The following THSD4 variants were observed in gnomAD, a reference collection of about 807,000 sequenced individuals.
THSD4 encodes thrombospondin type-1 domain-containing protein 4.
In THSD4, 69 loss-of-function variants were observed where a neutral mutation model predicts 119.0. That is an observed-to-expected ratio of 0.58 (90% CI 0.48 to 0.71). The LOEUF (loss-of-function observed/expected upper bound fraction) is 0.71. Among genes scored for constraint, THSD4 ranks in the 30% least tolerant of loss-of-function variants. THSD4 has a pLI of 0.00. For synonymous variants in THSD4, 524 were observed against 540.4 expected (o/e 0.97, Z 0.42); for missense variants, 1,393 against 1,391.1 (o/e 1.00, Z -0.02).
At chr15:71,355,523 G>A (rs11634024) in intron 6 of THSD4, among the ~76,000 whole-genome samples, 32,275 of 152,174 alleles carry the variant, frequency 0.21, 3,889 homozygotes, top group East Asian at 0.53. Context: ...TTCATGACAA[G>A]TGTGGACCTG....
intron 3 of THSD4, among the ~76,000 whole-genome samples, chr15:71,180,522 A>T (rs1256376691): frequency 1.3e-5 from 2 of 152,204 alleles, no homozygotes; most frequent in Non-Finnish European, 2.9e-5. Flanking sequence ...AATACATATG[A>T]GAAAACTTAT....
At chr15:71,501,057 T>C (rs2048104776) in intron 7 of THSD4, among the ~76,000 whole-genome samples, 1 of 152,232 alleles carries the variant, frequency 6.6e-6, no homozygotes, top group Non-Finnish European at 1.5e-5. Context: ...ACTTTGTAGA[T>C]TGCTTTGGGT....
At position 71,199,505 on chromosome 15, in the gene THSD4, TGTGTGTGTGGG is replaced by T. The variant is rs1276176908; in HGVS notation, c.100-15511_100-15501del. On this transcript the variant is annotated intron_variant, in intron 3 of 17. Coordinates refer to ENST00000261862, the MANE Select transcript of THSD4 (RefSeq NM_024817.3). ...GTGTGTGGGGTGTGTGTGGTGTGTG[TGTGTGTGTGGG>T]GTGTGTGTGGGGTGTGTGGTGTGTG... Among the ~76,000 whole-genome samples, 71 of 139,466 alleles carry T rather than the reference TGTGTGTGTGGG, an allele frequency of 5.1e-4. 1 individual carries two copies. Among genetic ancestry groups the T allele is most frequent in the Admixed American group, 3.3e-3 (47 of 14,270 alleles). The allele number at this position is 139,466 out of a possible 152,430, so 91.5% of individuals were successfully genotyped here. A position where few individuals can be genotyped will look rare whatever the true frequency, so the allele number is the denominator to read the frequency against.
chr15:71,715,231 A>G (rs544920134), intron 8 of THSD4, among the ~76,000 whole-genome samples: 2 of 152,310 alleles, frequency 1.3e-5, no homozygotes, highest in South Asian at 2.1e-4. Context: ...ATTAGCATCT[A>G]TGTACATCCT....
intron 8 of THSD4, among the ~76,000 whole-genome samples, chr15:71,725,632 G>A (rs946790862): frequency 3.9e-5 from 6 of 152,074 alleles, no homozygotes; most frequent in Admixed American, 2.6e-4. Flanking sequence ...AAGTGCTGCC[G>A]AGACATCTGA....
At chr15:71,697,364 C>G (rs575908905) in intron 8 of THSD4, among the ~76,000 whole-genome samples, 1 of 152,292 alleles carries the variant, frequency 6.6e-6, no homozygotes, top group African/African-American at 2.4e-5. Context: ...GGGGGTGGGA[C>G]TTGCTGGGAC....
At chr15:71,129,166 G>T (rs1395739426) in intron 1 of THSD4, among the ~76,000 whole-genome samples, 1 of 152,212 alleles carries the variant, frequency 6.6e-6, no homozygotes, top group African/African-American at 2.4e-5. Flanking sequence ...GCATGAGCTG[G>T]TGACGGCTCC....
intron 6 of THSD4, among the ~76,000 whole-genome samples, chr15:71,407,321 C>T (rs1293757865): frequency 6.6e-6 from 1 of 152,184 alleles, no homozygotes; most frequent in East Asian, 1.9e-4. Flanking sequence ...GCTTTTATTG[C>T]TGCTTAGGAT....
intron 7 of THSD4, among the ~76,000 whole-genome samples, chr15:71,633,769 C>A (rs1391580830): frequency 3.9e-5 from 6 of 152,186 alleles, no homozygotes; most frequent in Non-Finnish European, 8.8e-5. Flanking sequence ...GTCAGAGTAG[C>A]AGAATGGATA....
chr15:71,304,877 T>C (rs2045002576), intron 6 of THSD4, among the ~76,000 whole-genome samples: 1 of 152,250 alleles, frequency 6.6e-6, no homozygotes, highest in Non-Finnish European at 1.5e-5. Context: ...TGAGCTCATA[T>C]TGTTATGAAA....
intron 7 of THSD4, among the ~76,000 whole-genome samples, chr15:71,602,677 G>A (rs911903426): frequency 5.9e-5 from 9 of 151,922 alleles, no homozygotes; most frequent in African/African-American, 9.7e-5. Flanking sequence ...CTGCAAGCCT[G>A]TACAGGCAGA....
Position 71,724,285 on chromosome 15 carries a change from A to AT in THSD4, c.1358-4263dup, listed in dbSNP as rs1448681867. Among the ~76,000 whole-genome samples, 160 of 20,320 alleles carry AT rather than the reference A, an allele frequency of 7.9e-3. 1 individual carries two copies. Among genetic ancestry groups the AT allele is most frequent in the African/African-American group, 0.027 (149 of 5,456 alleles). 13.3% of individuals were successfully genotyped at this position (20,320 alleles called of 152,430 possible). ...TGATGGGATATATATATATATATAT[A>AT]TATTTTTTTTTTCCCCCCAAGATGG... On this transcript the variant is annotated intron_variant, in intron 8 of 17. Transcript: ENST00000261862.
At chr15:71,691,985 G>A (rs1355667414) in intron 8 of THSD4, among the ~76,000 whole-genome samples, 2 of 152,216 alleles carry the variant, frequency 1.3e-5, no homozygotes, top group Non-Finnish European at 2.9e-5. Context: ...GGGCTGGAAT[G>A]TTTAACCTCT....
intron 7 of THSD4, among the ~76,000 whole-genome samples, chr15:71,582,081 T>G (rs548030736): frequency 6.6e-6 from 1 of 152,208 alleles, no homozygotes; most frequent in South Asian, 2.1e-4. Context: ...GCATTGACTC[T>G]GTAGATCACT....
rs142471400 is a variant in THSD4 at position 71,307,268 on chromosome 15, A to G, written c.1015+50553A>G. Among the ~76,000 whole-genome samples, 9 of 152,234 alleles carry G rather than the reference A, an allele frequency of 5.9e-5. No homozygotes were observed. In the East Asian group the frequency reaches 1.7e-3, roughly 29 times the overall value. The stretch of plus-strand genomic sequence containing the variant: ...TGGGAAGTTAGGTTGTCATGTAGCC[A>G]TAGTTATGGCGGTGGCTGTGTGACC... On this transcript the variant is annotated intron_variant, in intron 6 of 17. Transcript: ENST00000261862.
At chr15:71,243,334 A>G (rs947954453) in intron 5 of THSD4, among the ~76,000 whole-genome samples, 3 of 151,930 alleles carry the variant, frequency 2.0e-5, no homozygotes, top group Admixed American at 6.5e-5. Context: ...CTTATTGACA[A>G]TCGCTTAATG....
chr15:71,745,338 G>A, intron 12 of THSD4, 103 bp downstream of exon 12: 1 of 1,432,990 alleles, frequency 7.0e-7, no homozygotes, highest in South Asian at 1.4e-5. Context: ...ATCTGAGTTA[G>A]AAATACAAGA....
chr15:71,486,950 C>T (rs1436269786), intron 7 of THSD4, among the ~76,000 whole-genome samples: 1 of 152,128 alleles, frequency 6.6e-6, no homozygotes, highest in African/African-American at 2.4e-5. Flanking sequence ...GAGTATCTGC[C>T]CACCAGTTCA....
intron 1 of THSD4, among the ~76,000 whole-genome samples, chr15:71,120,208 A>AT (rs904374890): frequency 2.6e-5 from 4 of 152,184 alleles, no homozygotes. Flanking sequence ...TGAATTACCC[A>AT]TCCAACATCC....
Sources: allele counts gnomAD v4.1 joint callset (sites outside exome capture counted in the v4.1 genomes callset), GRCh38; gene constraint gnomAD v4.1.1; transcripts MANE v1.5; gene names NCBI Gene and HGNC (gene_info 2026-07-23, HGNC 2026-07-21).